PNLIPRP3: variants seen among roughly 807,000 people sequenced by gnomAD.
PNLIPRP3 encodes the protein pancreatic lipase-related protein 3.
Under a neutral mutation model 52.8 loss-of-function variants are expected in PNLIPRP3, and 58 were observed. The ratio of observed to expected loss-of-function variants is 1.10; its 90% CI spans 0.89 to 1.37. The LOEUF is 1.37. PNLIPRP3 is among the 40% of genes most tolerant of loss of function. PNLIPRP3 has a pLI of 0.00. For synonymous variants in PNLIPRP3, 192 were observed against 185.0 expected, an observed-to-expected ratio of 1.04 and a Z score of -0.31; for missense variants, 593 against 561.6, an observed-to-expected ratio of 1.06 and a Z score of -0.57.
chr10:116,429,876 G>A (rs1845685309), intron 1 of PNLIPRP3, among the ~76,000 whole-genome samples: 1 of 152,088 alleles, frequency 6.6e-6, no homozygotes, highest in African/African-American at 2.4e-5. Context: ...GAAGATGAAG[G>A]CAAACTAGCA....
intron 2 of PNLIPRP3, among the ~76,000 whole-genome samples, chr10:116,441,668 T>G (rs568061209): frequency 1.8e-4 from 27 of 152,292 alleles, no homozygotes; most frequent in Non-Finnish European, 3.1e-4. Context: ...AACACTATAA[T>G]CAGAACATCG....
chr10:116,446,741 T>C (rs1448475555), intron 4 of PNLIPRP3, among the ~76,000 whole-genome samples: 1 of 152,150 alleles, frequency 6.6e-6, no homozygotes, highest in African/African-American at 2.4e-5. Context: ...TGAGAGGCTC[T>C]TACATCCTGG....
intron 10 of PNLIPRP3, 147 bp downstream of exon 10, chr10:116,472,026 G>A (rs961438428): frequency 3.6e-5 from 18 of 500,002 alleles, no homozygotes; most frequent in African/African-American, 3.2e-4. Context: ...TTTACTTCAT[G>A]TTTTCCAAAT....
chr10:116,455,467 G>A (rs1165149980), intron 4 of PNLIPRP3, among the ~76,000 whole-genome samples: 1 of 152,154 alleles, frequency 6.6e-6, no homozygotes, highest in Admixed American at 6.5e-5. Context: ...CTGTTCTCCT[G>A]TTTCCAAGGA....
chr10:116,453,778 T>A, intron 4 of PNLIPRP3, among the ~76,000 whole-genome samples: 1 of 152,140 alleles, frequency 6.6e-6, no homozygotes, highest in East Asian at 1.9e-4. Flanking sequence ...CAGAAGCAGA[T>A]GCCAGCACTA....
intron 2 of PNLIPRP3, among the ~76,000 whole-genome samples, chr10:116,438,228 G>A (rs2133114369): frequency 6.6e-6 from 1 of 152,266 alleles, no homozygotes; most frequent in Non-Finnish European, 1.5e-5. Flanking sequence ...GTTGCAAATT[G>A]AAACCCAAAG....
chr10:116,441,357 G>T (rs1365252259), intron 2 of PNLIPRP3, among the ~76,000 whole-genome samples: 1 of 152,142 alleles, frequency 6.6e-6, no homozygotes, highest in Non-Finnish European at 1.5e-5. Context: ...CACAATGCCT[G>T]TCAGAATGCT....
intron 10 of PNLIPRP3, among the ~76,000 whole-genome samples, chr10:116,473,842 G>T (rs1353059558): frequency 6.6e-6 from 1 of 150,386 alleles, no homozygotes; most frequent in East Asian, 2.0e-4. Context: ...TTTCTAATAG[G>T]CTATCTACGC....
chr10:116,439,632 T>C (rs527756971), intron 2 of PNLIPRP3: 3 of 763,126 alleles, frequency 3.9e-6, no homozygotes, highest in Admixed American at 3.5e-5. Context: ...GTAAGGCTGC[T>C]TTTTCGCTGC....
intron 5 of PNLIPRP3, among the ~76,000 whole-genome samples, chr10:116,458,635 T>C (rs1364169019): frequency 3.9e-5 from 6 of 152,190 alleles, no homozygotes; most frequent in Non-Finnish European, 8.8e-5. Flanking sequence ...TTTTTCCTCT[T>C]TGTTAAGCGC....
At chr10:116,459,808 C>G (rs547664085) in intron 5 of PNLIPRP3, among the ~76,000 whole-genome samples, 1 of 152,264 alleles carries the variant, frequency 6.6e-6, no homozygotes, top group East Asian at 1.9e-4. Context: ...TGCTCTGTCA[C>G]CCAGGCTAGA....
chr10:116,476,884 A>C, intron 11 of PNLIPRP3, 65 bp downstream of exon 11: 1 of 1,438,096 alleles, frequency 7.0e-7, no homozygotes, highest in Non-Finnish European at 9.3e-7. Context: ...TTAAACCCAC[A>C]GATAATTTGA....
intron 2 of PNLIPRP3, among the ~76,000 whole-genome samples, chr10:116,440,675 T>C (rs1845845362): frequency 6.6e-6 from 1 of 152,182 alleles, no homozygotes; most frequent in African/African-American, 2.4e-5. Flanking sequence ...TACGATAAAC[T>C]TGGTCTTCTG....
Position 116,427,958 on chromosome 10 carries a change from T to A in PNLIPRP3, c.-55T>A. 7.2e-7 allele frequency: 1 copy of A among 1,383,526 alleles called. No homozygotes were observed. The highest frequency in any genetic ancestry group is 1.2e-5 in the South Asian group (1 of 84,568). 85.7% of individuals were successfully genotyped at this position (1,383,526 alleles called of 1,614,324 possible). ...ACTTAGTATTTTATAGTGAGGTGAC[T>A]TTACAAGTAAAGATCTTCAAGAAGA... On this transcript the variant is annotated 5_prime_UTR_variant, in exon 1 of 12. Coordinates refer to ENST00000369230, the MANE Select transcript of PNLIPRP3 (RefSeq NM_001011709.3).
chr10:116,471,790 T>G lies in PNLIPRP3; in HGVS notation c.1083T>G (p.Val361=). ...PFARWRHKLS[V]KLSGSEVTQG... Reference sequence around the variant, plus strand: ...TAGGTTGGAGGCACAAATTGTCTGTTAAACTCAGTGGAAGCGAAGTCACTC... The same window carrying G: ...TAGGTTGGAGGCACAAATTGTCTGTGAAACTCAGTGGAAGCGAAGTCACTC... The change falls in exon 10 of 12, where the codon GTT becomes GTG. Residue 361 remains valine (V), a synonymous_variant. Transcript: ENST00000369230. The G allele has an allele frequency of 6.2e-7, 1 of 1,611,458 alleles. No homozygotes were observed. Among genetic ancestry groups the G allele is most frequent in the Non-Finnish European group, 8.5e-7 (1 of 1,177,926 alleles).
intron 4 of PNLIPRP3, among the ~76,000 whole-genome samples, chr10:116,446,592 G>C (rs931142025): frequency 6.6e-6 from 1 of 152,060 alleles, no homozygotes; most frequent in African/African-American, 2.4e-5. Flanking sequence ...TGAAACTTAG[G>C]TGAAACTAAA....
chr10:116,447,438 T>C (rs1010207592), intron 4 of PNLIPRP3, among the ~76,000 whole-genome samples: 3 of 152,044 alleles, frequency 2.0e-5, no homozygotes, highest in South Asian at 2.1e-4. Flanking sequence ...AGAAACAATA[T>C]ATACCAAAGA....
intron 4 of PNLIPRP3, 134 bp downstream of exon 4, chr10:116,444,647 T>C: frequency 1.1e-6 from 1 of 898,530 alleles, no homozygotes; most frequent in South Asian, 1.9e-5. Context: ...AGCATTTGTA[T>C]ATGGCAGACA....
intron 5 of PNLIPRP3, among the ~76,000 whole-genome samples, chr10:116,457,386 A>G (rs1846131006): frequency 6.6e-6 from 1 of 152,200 alleles, no homozygotes; most frequent in African/African-American, 2.4e-5. Flanking sequence ...ACACACACAC[A>G]TACATGCACA....
Sources: allele counts gnomAD v4.1 joint callset (sites outside exome capture counted in the v4.1 genomes callset), GRCh38; gene constraint gnomAD v4.1.1; transcripts MANE v1.5; gene names NCBI Gene and HGNC (gene_info 2026-07-23, HGNC 2026-07-21).